The following ITPR2 variants were observed in gnomAD, a reference collection of about 807,000 sequenced individuals.
ITPR2 encodes the protein inositol 1,4,5-trisphosphate-gated calcium channel ITPR2.
Under a neutral mutation model 317.1 loss-of-function variants are expected in ITPR2, and 207 were observed. The observed-to-expected ratio is 0.65, with a 90% confidence interval of 0.58 to 0.73. The LOEUF (loss-of-function observed/expected upper bound fraction) is 0.73, where lower values mean the gene tolerates loss of function less well. Among genes scored for constraint, ITPR2 ranks in the 30% least tolerant of loss-of-function variants. The pLI, the probability that ITPR2 is intolerant of heterozygous loss-of-function variation, is 0.00. For missense variants in ITPR2, 2,613 were observed against 3,284.0 expected (o/e 0.80, Z 4.99); for synonymous variants, 1,156 against 1,149.1 (o/e 1.01, Z -0.12).
chr12:26,352,306 G>A (rs777852111), intron 55 of ITPR2, among the ~76,000 whole-genome samples: 5 of 152,236 alleles, frequency 3.3e-5, no homozygotes, highest in African/African-American at 4.8e-5. Flanking sequence ...GCTTCTGGCC[G>A]TGGTGATGCC....
At chr12:26,691,741 T>TCA (rs886590407) in intron 10 of ITPR2, among the ~76,000 whole-genome samples, 4 of 152,064 alleles carry the variant, frequency 2.6e-5, no homozygotes, top group African/African-American at 9.6e-5. Flanking sequence ...AGCACAGACA[T>TCA]CACGTTGCAA....
chr12:26,360,130 G>A lies in ITPR2; in HGVS notation c.7858-19802C>T, dbSNP rs115845310. Among the ~76,000 whole-genome samples, 115 of 152,240 alleles carry A rather than the reference G, an allele frequency of 7.6e-4. 1 individual carries two copies. The highest frequency in any genetic ancestry group is 2.7e-3 in the African/African-American group (112 of 41,530). ...TCTGTGGTCAGGTTTCCTAAGGGGTGATGCCTACACAGTCAGAGCTGACCC... is the reference window on the plus strand; with the variant it reads ...TCTGTGGTCAGGTTTCCTAAGGGGTAATGCCTACACAGTCAGAGCTGACCC... On this transcript the variant is annotated intron_variant, in intron 55 of 56. Coordinates refer to ENST00000381340, the MANE Select transcript of ITPR2 (RefSeq NM_002223.4).
intron 34 of ITPR2, among the ~76,000 whole-genome samples, chr12:26,577,498 T>C (rs1945302431): frequency 6.6e-6 from 1 of 152,256 alleles, no homozygotes; most frequent in Non-Finnish European, 1.5e-5. Flanking sequence ...TCATATTGTT[T>C]ACCCTTAGAT....
At chr12:26,818,260 T>C (rs1950891007) in intron 1 of ITPR2, among the ~76,000 whole-genome samples, 1 of 152,254 alleles carries the variant, frequency 6.6e-6, no homozygotes, top group South Asian at 2.1e-4. Context: ...TCAGAACTCC[T>C]ATGCGACAAC....
At chr12:26,797,921 A>C (rs1950481815) in intron 1 of ITPR2, among the ~76,000 whole-genome samples, 1 of 151,188 alleles carries the variant, frequency 6.6e-6, no homozygotes, top group South Asian at 2.1e-4. Context: ...CAAACTCCTG[A>C]CCTCTGGTGA....
At chr12:26,429,768 C>G (rs1195986946) in intron 48 of ITPR2, among the ~76,000 whole-genome samples, 1 of 152,330 alleles carries the variant, frequency 6.6e-6, no homozygotes, top group Non-Finnish European at 1.5e-5. Flanking sequence ...TATCAACTCC[C>G]CAAGTCATAC....
chr12:26,636,210 T>C (rs1946861740), intron 21 of ITPR2, among the ~76,000 whole-genome samples: 1 of 152,236 alleles, frequency 6.6e-6, no homozygotes, highest in African/African-American at 2.4e-5. Flanking sequence ...TGGTGCAATG[T>C]CACCTCCATA....
At chr12:26,812,265 T>C (rs1377859846) in intron 1 of ITPR2, among the ~76,000 whole-genome samples, 2 of 152,154 alleles carry the variant, frequency 1.3e-5, no homozygotes, top group African/African-American at 2.4e-5. Context: ...GGTAACCTTA[T>C]GATTTTACCA....
intron 45 of ITPR2, among the ~76,000 whole-genome samples, chr12:26,470,456 C>T (rs1334831671): frequency 1.3e-5 from 2 of 152,074 alleles, no homozygotes; most frequent in African/African-American, 4.8e-5. Context: ...GTTATTATCC[C>T]TAATTAAACT....
chr12:26,573,939 G>A (rs1000607766), intron 34 of ITPR2, among the ~76,000 whole-genome samples: 1 of 152,128 alleles, frequency 6.6e-6, no homozygotes, highest in Non-Finnish European at 1.5e-5. Context: ...GATTGCAGGG[G>A]CACATTTAGT....
chr12:26,393,603 T>G, intron 54 of ITPR2, among the ~76,000 whole-genome samples: 2 of 152,374 alleles, frequency 1.3e-5, no homozygotes, highest in Middle Eastern at 3.4e-3. Context: ...ACGCTGAATT[T>G]GTTCTATTTT....
chr12:26,437,305 T>C (rs11832307), intron 47 of ITPR2, among the ~76,000 whole-genome samples: 1 of 152,230 alleles, frequency 6.6e-6, no homozygotes, highest in African/African-American at 2.4e-5. Flanking sequence ...TGATTAACTT[T>C]GTAGATATAT....
chr12:26,769,322 G>A (rs1949798897), intron 2 of ITPR2, among the ~76,000 whole-genome samples: 1 of 152,106 alleles, frequency 6.6e-6, no homozygotes, highest in Non-Finnish European at 1.5e-5. Flanking sequence ...AGCAATGTTT[G>A]CTTTATTCTG....
Position 26,721,185 on chromosome 12 carries a change from T to C in ITPR2, c.525+1212A>G, listed in dbSNP as rs1471416596. The stretch of plus-strand genomic sequence containing the variant: ...TGCTCACAGCACACATCACCTGATG[T>C]CAAAAGAAAAAAAAGTAGGGTTTTT... On this transcript the variant is annotated intron_variant, in intron 5 of 56. Coordinates refer to ENST00000381340, the MANE Select transcript of ITPR2 (RefSeq NM_002223.4). 1.4e-5 allele frequency: 6 copies of C among 432,080 alleles called. No individual in the cohort carries two copies. The South Asian group carries it at 2.9e-4, about 21-fold the overall frequency. The allele number at this position is 432,080 out of a possible 1,614,324, so 26.8% of individuals were successfully genotyped here. A position where few individuals can be genotyped will look rare whatever the true frequency, so the allele number is the denominator to read the frequency against.
chr12:26,565,505 GATAGATAGAT>G (rs1944931143), intron 34 of ITPR2, among the ~76,000 whole-genome samples: 3 of 144,824 alleles, frequency 2.1e-5, no homozygotes, highest in Non-Finnish European at 3.1e-5. Flanking sequence ...TAGATAGATA[GATAGATAGAT>G]AGATAGATAG....
In ITPR2 at chr12:26,411,360, G is replaced by A. The variant is rs767844135; in HGVS notation, c.7359C>T (p.Ala2453=). ...GAATTGTGGGTGAACAGTTCTCCTTGGCACATGCTTCCATCATGGTAGTTA... is the reference window on the plus strand; with the variant it reads ...GAATTGTGGGTGAACAGTTCTCCTTAGCACATGCTTCCATCATGGTAGTTA... The part of the protein sequence containing the change: ...MTLTTMMEAC[A]KENCSPTIPA... The change falls in exon 52 of 57, where the codon GCC becomes GCT. Residue 2453 remains alanine, a synonymous_variant. Coordinates refer to ENST00000381340, the MANE Select transcript of ITPR2 (RefSeq NM_002223.4). The A allele has an allele frequency of 1.9e-6, 3 of 1,613,530 alleles. No individual in the cohort carries two copies. In the East Asian group the frequency reaches 6.7e-5, roughly 36 times the overall value.
chr12:26,705,755 G>A (rs536612859), intron 9 of ITPR2, among the ~76,000 whole-genome samples: 2 of 152,172 alleles, frequency 1.3e-5, no homozygotes, highest in South Asian at 2.1e-4. Context: ...AACACCTGAC[G>A]GCTTACCACT....
chr12:26,666,350 T>C (rs1454538540), intron 13 of ITPR2, among the ~76,000 whole-genome samples: 1 of 152,204 alleles, frequency 6.6e-6, no homozygotes, highest in African/African-American at 2.4e-5. Context: ...TTCTCCAGCA[T>C]CTCCAATCTC....
chr12:26,787,974 G>C (rs1210855571), intron 2 of ITPR2, among the ~76,000 whole-genome samples: 1 of 147,516 alleles, frequency 6.8e-6, no homozygotes, highest in Non-Finnish European at 1.5e-5. Flanking sequence ...GCCCAGGTTG[G>C]AGTGCAATGG....
Sources: gnomAD v4.1 joint callset for allele counts (sites outside exome capture counted in the v4.1 genomes callset) on GRCh38, gnomAD v4.1.1 for gene constraint, MANE v1.5 for transcripts, NCBI Gene and HGNC (gene_info 2026-07-23, HGNC 2026-07-21) for gene names.